HSPA14: variants seen among roughly 807,000 people sequenced by gnomAD.
HSPA14 encodes heat shock protein family A (Hsp70) member 14.
In HSPA14, 37 loss-of-function variants were observed where a neutral mutation model predicts 65.5. The ratio of observed to expected loss-of-function variants is 0.56; its 90% CI spans 0.43 to 0.74. HSPA14 has a LOEUF of 0.74. Among genes scored for constraint, HSPA14 ranks in the 30% least tolerant of loss-of-function variants. HSPA14 has a pLI of 0.00. For missense variants in HSPA14, 564 were observed against 607.6 expected, an observed-to-expected ratio of 0.93 and a Z score of 0.75; for synonymous variants, 203 against 214.2, an observed-to-expected ratio of 0.95 and a Z score of 0.46.
chr10:14,853,084 T>TAA (rs538080301), intron 8 of HSPA14, among the ~76,000 whole-genome samples: 2 of 141,770 alleles, frequency 1.4e-5, no homozygotes, highest in Non-Finnish European at 1.5e-5. Flanking sequence ...ACTGCTGCTC[T>TAA]AAAAAAAAAA....
intron 10 of HSPA14, among the ~76,000 whole-genome samples, chr10:14,859,671 T>A (rs1021860052): frequency 1.3e-5 from 2 of 152,240 alleles, no homozygotes; most frequent in African/African-American, 4.8e-5. Context: ...GTATATTGGA[T>A]GTGTATGTTA....
rs774841067 is a variant in HSPA14 at position 14,855,972 on chromosome 10, T to C, written c.993+29T>C. ...ATGCTTTTACATTTTTCTTAACTAT[T>C]TTAGGTGTAGTTTCAGACTTGGAAT... On this transcript the variant is annotated intron_variant, in intron 10 of 13. Transcript: ENST00000378372. The C allele has an allele frequency of 2.3e-5, 29 of 1,253,504 alleles. 1 individual carries two copies. The highest frequency in any genetic ancestry group is 3.4e-5 in the Non-Finnish European group (29 of 855,662). 77.6% of individuals were successfully genotyped at this position (1,253,504 alleles called of 1,614,324 possible).
chr10:14,853,113 G>A (rs183528494), intron 8 of HSPA14, among the ~76,000 whole-genome samples: 1 of 151,798 alleles, frequency 6.6e-6, no homozygotes, highest in African/African-American at 2.4e-5. Context: ...AATTGAAATG[G>A]TATTTTAGCC....
Position 14,838,406 on chromosome 10 carries a change from G to T in HSPA14, c.4G>T (p.Ala2Ser). Residue 2 changes from alanine to serine, a missense_variant, in exon 1 of 14, where the codon GCG becomes TCG. Transcript: ENST00000378372. MAAIGVHLGCTS... is the reference protein window; with the variant it reads MSAIGVHLGCTS... The stretch of plus-strand genomic sequence containing the variant: ...CCGCTGCCGTCCCTGCTGCCTCATG[G>T]CGGCCATCGGAGTTCACCTGGGCTG... 1 of 1,604,206 alleles carries T rather than the reference G, an allele frequency of 6.2e-7. No individual in the cohort carries two copies.
intron 3 of HSPA14, chr10:14,843,702 G>A (rs540880114): frequency 7.2e-5 from 111 of 1,540,586 alleles, no homozygotes; most frequent in Admixed American, 2.0e-4. Flanking sequence ...CAAAGCGGGA[G>A]GAAGAAAAAC....
chr10:14,867,595 T>G, intron 11 of HSPA14, 141 bp from the exon 12 acceptor site: 1 of 724,730 alleles, frequency 1.4e-6, no homozygotes, highest in Non-Finnish European at 2.3e-6. Context: ...TGAAGTAGGA[T>G]TAAGGATTAT....
Position 14,846,756 on chromosome 10 carries a change from ACT to A in HSPA14, c.222-1850_222-1849del, listed in dbSNP as rs371323592. On this transcript the variant is annotated intron_variant, in intron 3 of 13. Transcript: ENST00000378372. ...CTGTCATGTAACAAGTAGGGGAAAGACTCTGGAGCACATTAGTGCTGGTGTGT... is the reference window on the plus strand; with the variant it reads ...CTGTCATGTAACAAGTAGGGGAAAGACTGGAGCACATTAGTGCTGGTGTGT... The A allele has an allele frequency of 2.1e-5, 21 of 985,342 alleles. No homozygotes were observed. In the East Asian group the frequency reaches 2.4e-3, roughly 112 times the overall value. 61.0% of individuals were successfully genotyped at this position (985,342 alleles called of 1,614,324 possible).
At chr10:14,863,868 G>T (rs1396932391) in intron 10 of HSPA14, among the ~76,000 whole-genome samples, 2 of 152,074 alleles carry the variant, frequency 1.3e-5, no homozygotes, top group Non-Finnish European at 2.9e-5. Context: ...TTACAGGGGT[G>T]GGCCCTGATC....
chr10:14,865,658 G>C (rs1176363434), intron 10 of HSPA14, among the ~76,000 whole-genome samples: 1 of 152,002 alleles, frequency 6.6e-6, no homozygotes, highest in Admixed American at 6.6e-5. Context: ...ATTTCTGAGG[G>C]CTCTGTTCTG....
chr10:14,857,797 C>G (rs547256407), intron 10 of HSPA14, among the ~76,000 whole-genome samples: 12 of 151,882 alleles, frequency 7.9e-5, no homozygotes, highest in Non-Finnish European at 1.5e-4. Context: ...ATATACTTTT[C>G]TTTTAACTTG....
At chr10:14,852,878 T>A (rs1405613389) in intron 8 of HSPA14, among the ~76,000 whole-genome samples, 1 of 152,210 alleles carries the variant, frequency 6.6e-6, no homozygotes, top group South Asian at 2.1e-4. Flanking sequence ...TGAACAGTTT[T>A]TAAAAGTTTG....
At chr10:14,856,973 A>G (rs1832707359) in intron 10 of HSPA14, among the ~76,000 whole-genome samples, 2 of 152,236 alleles carry the variant, frequency 1.3e-5, no homozygotes, top group African/African-American at 2.4e-5. Flanking sequence ...TCTAACTTGT[A>G]TAATTTGTAT....
chr10:14,843,612 G>C, intron 3 of HSPA14: 5 of 1,550,610 alleles, frequency 3.2e-6, no homozygotes, highest in Non-Finnish European at 4.4e-6. Context: ...CTCCAAGGTG[G>C]GCAAGGCGAA....
In HSPA14 at chr10:14,851,309, C is replaced by T. The variant is rs1021594295; in HGVS notation, c.558C>T (p.Ser186=). Residue 186 remains serine, a synonymous_variant, in exon 7 of 14, where the codon TCC becomes TCT. Transcript: ENST00000378372. Reference sequence around the variant, plus strand: ...TTGCTTATGGAATTGGACAAGACTCCCCTACTGGAAAAAGGTAAAGATCAT... The same window carrying T: ...TTGCTTATGGAATTGGACAAGACTCTCCTACTGGAAAAAGGTAAAGATCAT... ...ALLAYGIGQD[S]PTGKSNILVF... is the part of the protein sequence containing the mutation. 3.1e-6 allele frequency: 5 copies of T among 1,598,182 alleles called. No homozygotes were observed. The highest frequency in any genetic ancestry group is 1.7e-4 in the Middle Eastern group (1 of 6,046).
At chr10:14,843,275 A>G in intron 3 of HSPA14, 1 of 1,452,836 alleles carries the variant, frequency 6.9e-7, no homozygotes, top group South Asian at 1.2e-5. Context: ...TCCAGGAACA[A>G]CCATAGTTTT....
At chr10:14,846,442 A>G (rs932655713) in intron 3 of HSPA14, 1 of 985,400 alleles carries the variant, frequency 1.0e-6, no homozygotes, top group Non-Finnish European at 1.2e-6. Flanking sequence ...AATAAAAGTC[A>G]AGGGAAAGGT....
At chr10:14,843,747 T>G in intron 3 of HSPA14, 2 of 1,536,654 alleles carry the variant, frequency 1.3e-6, no homozygotes, top group Non-Finnish European at 1.7e-6. Context: ...AGGAGGCCAG[T>G]GCTCAGCAAG....
chr10:14,852,283 T>A, intron 7 of HSPA14, 87 bp from the exon 8 acceptor site: 1 of 1,034,576 alleles, frequency 9.7e-7, no homozygotes. Flanking sequence ...CATTTGTAAA[T>A]TAAAGGGATT....
intron 8 of HSPA14, among the ~76,000 whole-genome samples, chr10:14,852,956 C>G (rs1314538690): frequency 6.6e-6 from 1 of 151,968 alleles, no homozygotes; most frequent in Non-Finnish European, 1.5e-5. Flanking sequence ...GAATATTTAT[C>G]TTAATTACTC....
Sources: gnomAD v4.1 joint callset for allele counts (sites outside exome capture counted in the v4.1 genomes callset) on GRCh38, gnomAD v4.1.1 for gene constraint, MANE v1.5 for transcripts, NCBI Gene and HGNC (gene_info 2026-07-23, HGNC 2026-07-21) for gene names.